Variants in DLGAP1 observed in about 807,000 individuals in gnomAD.
The protein encoded by DLGAP1 is DLG associated protein 1.
DLGAP1 carries 11 observed loss-of-function variants against 90.8 expected under a neutral mutation model. That is an observed-to-expected ratio of 0.12 (90% CI 0.08 to 0.20). DLGAP1 has a LOEUF of 0.20. Among genes scored for constraint, DLGAP1 ranks in the 10% least tolerant of loss-of-function variants. The pLI is 1.00. For missense variants in DLGAP1, 1,050 were observed against 1,333.8 expected (o/e 0.79, Z 3.31); for synonymous variants, 558 against 540.7 (o/e 1.03, Z -0.44).
intron 3 of DLGAP1, among the ~76,000 whole-genome samples, chr18:3,914,035 G>A (rs927411712): frequency 1.3e-5 from 2 of 151,314 alleles, no homozygotes; most frequent in Non-Finnish European, 2.9e-5. Context: ...CCCACCATAG[G>A]TAATTTTATT....
intron 3 of DLGAP1, among the ~76,000 whole-genome samples, chr18:3,897,786 T>A (rs1294753920): frequency 1.5e-5 from 2 of 136,356 alleles, no homozygotes; most frequent in African/African-American, 5.8e-5. Context: ...TGATTTTTTT[T>A]TTTTTTTTTT....
At chr18:3,832,869 C>A (rs530012186) in intron 4 of DLGAP1, among the ~76,000 whole-genome samples, 3 of 152,192 alleles carry the variant, frequency 2.0e-5, no homozygotes, top group African/African-American at 7.2e-5. Context: ...GTGCCCCCCC[C>A]ATCACTGAGG....
intron 5 of DLGAP1, among the ~76,000 whole-genome samples, chr18:3,753,126 G>A (rs766440990): frequency 6.6e-6 from 1 of 152,136 alleles, no homozygotes; most frequent in Non-Finnish European, 1.5e-5. Context: ...TTGGCAAAAC[G>A]ATTAAAATCA....
At chr18:4,403,786 T>G (rs1375887041) in intron 1 of DLGAP1, among the ~76,000 whole-genome samples, 1 of 152,118 alleles carries the variant, frequency 6.6e-6, no homozygotes, top group Non-Finnish European at 1.5e-5. Context: ...CTTGCCAAAC[T>G]CCAGTTGAGT....
intron 1 of DLGAP1, among the ~76,000 whole-genome samples, chr18:4,255,379 C>G (rs369050074): frequency 3.3e-5 from 5 of 151,918 alleles, no homozygotes; most frequent in African/African-American, 7.3e-5. Context: ...TTTTTCTTCT[C>G]TCCTTTTGTT....
intron 1 of DLGAP1, among the ~76,000 whole-genome samples, chr18:4,151,973 AAATAAT>A (rs944710804): frequency 2.0e-5 from 3 of 152,172 alleles, no homozygotes; most frequent in Non-Finnish European, 2.9e-5. Flanking sequence ...ACTTAAAGTA[AAATAAT>A]AATAATATTA....
chr18:3,521,626 T>C (rs73379221), intron 10 of DLGAP1, among the ~76,000 whole-genome samples: 15,135 of 152,106 alleles, frequency 0.1, 1,018 homozygotes, highest in African/African-American at 0.18. Flanking sequence ...CTTACCTCCT[T>C]TCACCTCTCC....
chr18:3,779,934 G>C (rs966109881), intron 5 of DLGAP1, among the ~76,000 whole-genome samples: 24 of 151,834 alleles, frequency 1.6e-4, no homozygotes, highest in Non-Finnish European at 3.1e-4. Flanking sequence ...GGAGGCGCAC[G>C]CCACCACGTC....
At chr18:4,041,095 G>A (rs1424055559) in intron 2 of DLGAP1, among the ~76,000 whole-genome samples, 1 of 152,226 alleles carries the variant, frequency 6.6e-6, no homozygotes, top group East Asian at 1.9e-4. Flanking sequence ...AGCACCCGAA[G>A]TGTTCCTCCA....
chr18:3,700,923 G>A (rs1268033368), intron 7 of DLGAP1, among the ~76,000 whole-genome samples: 1 of 152,102 alleles, frequency 6.6e-6, no homozygotes, highest in Admixed American at 6.6e-5. Flanking sequence ...TTGTTGCCCA[G>A]GCTGGAATGC....
intron 4 of DLGAP1, among the ~76,000 whole-genome samples, chr18:3,821,665 A>C (rs2067426149): frequency 6.6e-6 from 1 of 152,168 alleles, no homozygotes; most frequent in African/African-American, 2.4e-5. Context: ...CTGCTGTTTA[A>C]ACAAGCATGA....
At chr18:3,963,752 A>G (rs564288699) in intron 3 of DLGAP1, among the ~76,000 whole-genome samples, 225 of 152,090 alleles carry the variant, frequency 1.5e-3, no homozygotes, top group Non-Finnish European at 2.5e-3. Context: ...TGTATCTTCT[A>G]TGGGATCTCT....
intron 1 of DLGAP1, chr18:4,295,315 G>A (rs1466187306): frequency 6.6e-6 from 1 of 152,140 alleles, no homozygotes; most frequent in East Asian, 1.9e-4. Context: ...CCACATTGGG[G>A]TATTTGGTTA....
intron 1 of DLGAP1, among the ~76,000 whole-genome samples, chr18:4,310,174 G>C (rs530634276): frequency 6.6e-6 from 1 of 152,284 alleles, no homozygotes; most frequent in South Asian, 2.1e-4. Flanking sequence ...GGTTGGGTTA[G>C]AATCGTTCCT....
chr18:3,877,633 T>C (rs767871189), intron 4 of DLGAP1, among the ~76,000 whole-genome samples: 7 of 152,212 alleles, frequency 4.6e-5, no homozygotes, highest in Non-Finnish European at 1.0e-4. Context: ...AAAGAGTTTC[T>C]AGAGCTTTCG....
In DLGAP1 at chr18:4,228,494, C is replaced by A. The variant is rs142961798; in HGVS notation, c.-266-77207G>T. 4.3e-4 allele frequency among the ~76,000 whole-genome samples: 66 copies of A among 152,038 alleles called. 1 individual carries two copies. Among genetic ancestry groups the A allele is most frequent in the Admixed American group, 2.4e-3 (36 of 15,256 alleles). ...AACACATTAAAAACATCATCCATCA[C>A]GGCCAAGTGAGATTTATCCCAGGAA... On this transcript the variant is annotated intron_variant, in intron 1 of 12. Coordinates refer to ENST00000315677, the MANE Select transcript of DLGAP1 (RefSeq NM_004746.4).
intron 2 of DLGAP1, among the ~76,000 whole-genome samples, chr18:4,052,757 G>A (rs550927453): frequency 6.6e-6 from 1 of 152,196 alleles, no homozygotes; most frequent in South Asian, 2.1e-4. Flanking sequence ...TTTATGCTCT[G>A]CTTCTTCTTG....
chr18:4,223,654 A>T (rs1319034374), intron 1 of DLGAP1, among the ~76,000 whole-genome samples: 1 of 152,246 alleles, frequency 6.6e-6, no homozygotes, highest in Non-Finnish European at 1.5e-5. Flanking sequence ...CCAGATATGT[A>T]AAGGCATTAC....
rs569389328 is a variant in DLGAP1, at chr18:3,957,641, T to G, written c.-73+47475A>C. ...AATCTTGAAAAAAAATTACATTTTC[T>G]GCTTCAAGATTATTTTATTACTTTA... On this transcript the variant is annotated intron_variant, in intron 3 of 12. Transcript: ENST00000315677. Among the ~76,000 whole-genome samples, 9 of 152,372 alleles carry G rather than the reference T, an allele frequency of 5.9e-5. No individual in the cohort carries two copies. The South Asian group carries it at 1.9e-3, about 32-fold the overall frequency.
Sources: allele counts gnomAD v4.1 joint callset (sites outside exome capture counted in the v4.1 genomes callset), GRCh38; gene constraint gnomAD v4.1.1; transcripts MANE v1.5; gene names NCBI Gene and HGNC (gene_info 2026-07-23, HGNC 2026-07-21).